The following ADK variants were observed in gnomAD, a reference collection of about 807,000 sequenced individuals.
ADK encodes N6,N6-dimethyladenosine kinase.
In ADK, 24 loss-of-function variants were observed where a neutral mutation model predicts 44.7. That is an observed-to-expected ratio of 0.54 (90% CI 0.39 to 0.76). ADK has a LOEUF of 0.76. Ranked by LOEUF, ADK falls within the 30% of genes least tolerant of loss-of-function variation. The probability of loss-of-function intolerance (pLI) is 0.00; values close to 1 mark genes in which losing one functional copy is unlikely to be tolerated. For missense variants in ADK, 321 were observed against 425.1 expected, an observed-to-expected ratio of 0.76 and a Z score of 2.15; for synonymous variants, 128 against 142.6, an observed-to-expected ratio of 0.90 and a Z score of 0.73.
chr10:74,559,322 A>T (rs1370731578), intron 7 of ADK, among the ~76,000 whole-genome samples: 1 of 152,258 alleles, frequency 6.6e-6, no homozygotes, highest in East Asian at 1.9e-4. Flanking sequence ...TAATGAAATC[A>T]TACTTTAATT....
chr10:74,373,627 A>T (rs1270717464), intron 4 of ADK, among the ~76,000 whole-genome samples: 1 of 152,112 alleles, frequency 6.6e-6, no homozygotes, highest in Non-Finnish European at 1.5e-5. Context: ...ATACCATTTC[A>T]CTCCTGCTAG....
At chr10:74,541,450 C>G (rs1250088858) in intron 7 of ADK, among the ~76,000 whole-genome samples, 1 of 152,048 alleles carries the variant, frequency 6.6e-6, no homozygotes, top group African/African-American at 2.4e-5. Context: ...TACCACATTT[C>G]CTTCGTCTCT....
intron 6 of ADK, among the ~76,000 whole-genome samples, chr10:74,400,704 C>T (rs1170227426): frequency 6.6e-6 from 1 of 152,168 alleles, no homozygotes; most frequent in East Asian, 1.9e-4. Context: ...AATTAAAGTT[C>T]TGGGGGCTCT....
chr10:74,282,965 G>T (rs1345351943), intron 3 of ADK, among the ~76,000 whole-genome samples: 2 of 152,122 alleles, frequency 1.3e-5, no homozygotes, highest in Admixed American at 6.5e-5. Context: ...ACAATGGTAG[G>T]TTCTGATTTA....
At chr10:74,410,111 A>C (rs1844117373) in intron 6 of ADK, among the ~76,000 whole-genome samples, 1 of 152,164 alleles carries the variant, frequency 6.6e-6, no homozygotes, top group Non-Finnish European at 1.5e-5. Context: ...TTAACAAGTT[A>C]GAATGAATTT....
At position 74,300,734 on chromosome 10, in the gene ADK, A is replaced by G. The variant is rs533862718; in HGVS notation, c.195-13933A>G. Among the ~76,000 whole-genome samples, 14 of 152,320 alleles carry G rather than the reference A, an allele frequency of 9.2e-5. No individual in the cohort carries two copies. In the South Asian group the frequency reaches 1.7e-3, roughly 18 times the overall value. ...AGTGCTTATATGTAAAACTTATACT[A>G]TGGTAAAGTTATTTGACAGCAGCTA... On this transcript the variant is annotated intron_variant, in intron 3 of 10. Transcript: ENST00000539909.
intron 10 of ADK, among the ~76,000 whole-genome samples, chr10:74,691,636 G>A (rs1229201244): frequency 6.6e-6 from 1 of 152,176 alleles, no homozygotes; most frequent in East Asian, 1.9e-4. Flanking sequence ...AAACGAGTCT[G>A]AGGTAAATTC....
In ADK at chr10:74,380,093, C is replaced by T. The variant is rs1173865931; in HGVS notation, c.274-14048C>T. Among the ~76,000 whole-genome samples, 3 of 152,086 alleles carry T rather than the reference C, an allele frequency of 2.0e-5. No individual in the cohort carries two copies. In the East Asian group the frequency reaches 5.8e-4, roughly 29 times the overall value. ...CTTTGTCTTTCTCAAACATTTTTTTCTTCATAGCATTTCTTACAATTATGC... is the reference window on the plus strand; with the variant it reads ...CTTTGTCTTTCTCAAACATTTTTTTTTTCATAGCATTTCTTACAATTATGC... On this transcript the variant is annotated intron_variant, in intron 4 of 10. Transcript: ENST00000539909.
chr10:74,182,807 T>A (rs1194132519), intron 1 of ADK, among the ~76,000 whole-genome samples: 1 of 152,252 alleles, frequency 6.6e-6, no homozygotes, highest in Non-Finnish European at 1.5e-5. Context: ...CTGTCAAAGA[T>A]AAAACTTGAA....
At chr10:74,562,029 C>A (rs761362888) in intron 7 of ADK, among the ~76,000 whole-genome samples, 2 of 152,192 alleles carry the variant, frequency 1.3e-5, no homozygotes, top group Non-Finnish European at 2.9e-5. Flanking sequence ...AACCTTCTCG[C>A]CTTCTCTAGG....
At chr10:74,615,438 C>G (rs1459880941) in intron 9 of ADK, among the ~76,000 whole-genome samples, 1 of 152,026 alleles carries the variant, frequency 6.6e-6, no homozygotes, top group East Asian at 1.9e-4. Flanking sequence ...ATCATGTAAC[C>G]ACCACCATAG....
At chr10:74,300,316 TTCCTTCCTTCCTTCCTTCCTTCCTTCC>T (rs1564640988) in intron 3 of ADK, among the ~76,000 whole-genome samples, 2 of 112,214 alleles carry the variant, frequency 1.8e-5, no homozygotes, top group African/African-American at 6.7e-5. Context: ...CCTTCTTTCC[TTCCTTCCTTCCTTCCTTCCTTCCTTCC>T]TTCCTTCCTT....
chr10:74,315,112 CA>C (rs1425609375), intron 4 of ADK, among the ~76,000 whole-genome samples: 1 of 151,966 alleles, frequency 6.6e-6, no homozygotes, highest in African/African-American at 2.4e-5. Flanking sequence ...TTAACTCTTA[CA>C]GTGTCTTTTA....
At chr10:74,592,773 C>T (rs1021415385) in intron 8 of ADK, among the ~76,000 whole-genome samples, 2 of 152,058 alleles carry the variant, frequency 1.3e-5, no homozygotes, top group African/African-American at 4.8e-5. Context: ...ATTGTGCTAT[C>T]CAATACAGCA....
At chr10:74,368,220 T>G (rs1479496154) in intron 4 of ADK, among the ~76,000 whole-genome samples, 4 of 152,116 alleles carry the variant, frequency 2.6e-5, no homozygotes, top group Non-Finnish European at 5.9e-5. Context: ...CTCCTGTGCT[T>G]CTTCTGCCCC....
intron 6 of ADK, among the ~76,000 whole-genome samples, chr10:74,405,682 C>T (rs1843897406): frequency 6.6e-6 from 1 of 152,058 alleles, no homozygotes. Flanking sequence ...TGAGGTGCAA[C>T]AGTTTCATCC....
intron 2 of ADK, among the ~76,000 whole-genome samples, chr10:74,205,675 C>CAAAA (rs11419041): frequency 1.8e-4 from 15 of 85,252 alleles, no homozygotes; most frequent in African/African-American, 5.4e-4. Flanking sequence ...GAATCTGTCT[C>CAAAA]AAAAAAAAAA....
At chr10:74,561,975 T>C (rs1012192421) in intron 7 of ADK, among the ~76,000 whole-genome samples, 1 of 152,240 alleles carries the variant, frequency 6.6e-6, no homozygotes, top group Admixed American at 6.5e-5. Flanking sequence ...ATTGTGAGAT[T>C]GTATTCTTAA....
At chr10:74,613,751 C>T (rs139887801) in intron 9 of ADK, among the ~76,000 whole-genome samples, 2 of 152,190 alleles carry the variant, frequency 1.3e-5, no homozygotes, top group African/African-American at 4.8e-5. Flanking sequence ...TTAGAAAATG[C>T]AAACTCTAAA....
Sources: allele counts gnomAD v4.1 joint callset (sites outside exome capture counted in the v4.1 genomes callset), GRCh38; gene constraint gnomAD v4.1.1; transcripts MANE v1.5; gene names NCBI Gene and HGNC (gene_info 2026-07-23, HGNC 2026-07-21).